BDP1: variants seen among roughly 807,000 people sequenced by gnomAD.
BDP1 encodes the protein BDP1 general transcription factor IIIB subunit, also known as transcription factor TFIIIB component B'' homolog.
In BDP1, 169 loss-of-function variants were observed where a neutral mutation model predicts 266.6. That is an observed-to-expected ratio of 0.63 (90% CI 0.56 to 0.72). The LOEUF (loss-of-function observed/expected upper bound fraction) is 0.72, where lower values mean the gene tolerates loss of function less well. Ranked by LOEUF, BDP1 falls within the 30% of genes least tolerant of loss-of-function variation. The pLI, the probability that BDP1 is intolerant of heterozygous loss-of-function variation, is 0.00. For synonymous variants in BDP1, 1,090 were observed against 1,022.4 expected, an observed-to-expected ratio of 1.07 and a Z score of -1.26; for missense variants, 3,015 against 3,053.8, an observed-to-expected ratio of 0.99 and a Z score of 0.30.
At chr5:71,548,644 G>A in intron 32 of BDP1, 38 bp from the exon 33 acceptor site, 3 of 1,344,750 alleles carry the variant, frequency 2.2e-6, no homozygotes, top group Non-Finnish European at 3.2e-6. Context: ...TGTAAGATTT[G>A]GCCAACCTGA....
In BDP1 at chr5:71,562,255, G is replaced by A. The variant is rs201847205; in HGVS notation, c.7497-19G>A. The stretch of plus-strand genomic sequence containing the variant: ...GTCTTCCTGGGTATTCTTGAATATC[G>A]TTACATTTGTATTTCTAGACCTGGC... On this transcript the variant is annotated intron_variant, in intron 37 of 38. Coordinates refer to ENST00000358731, the MANE Select transcript of BDP1 (RefSeq NM_018429.3). 3.6e-5 allele frequency: 47 copies of A among 1,303,286 alleles called. No individual in the cohort carries two copies. The highest frequency in any genetic ancestry group is 2.2e-4 in the South Asian group (17 of 75,614). The allele number at this position is 1,303,286 out of a possible 1,614,324, so 80.7% of individuals were successfully genotyped here.
At chr5:71,473,229 C>T (rs959623370) in intron 7 of BDP1, among the ~76,000 whole-genome samples, 27 of 143,086 alleles carry the variant, frequency 1.9e-4, no homozygotes, top group African/African-American at 6.7e-4. Context: ...TTAATCTAAA[C>T]ATCTTTTTAA....
chr5:71,532,064 G>A (rs1766280776), intron 25 of BDP1, among the ~76,000 whole-genome samples: 1 of 152,128 alleles, frequency 6.6e-6, no homozygotes. Context: ...AAGAAGATGA[G>A]TCTTAGAAAA....
chr5:71,553,958 T>G (rs1043090256), intron 35 of BDP1, among the ~76,000 whole-genome samples: 15 of 152,228 alleles, frequency 9.9e-5, no homozygotes, highest in African/African-American at 2.4e-5. Flanking sequence ...CTCAGGGAAG[T>G]CCGGCCAGAC....
At chr5:71,504,117 A>G (rs1764425915) in intron 15 of BDP1, among the ~76,000 whole-genome samples, 1 of 151,452 alleles carries the variant, frequency 6.6e-6, no homozygotes, top group East Asian at 1.9e-4. Flanking sequence ...CTAAAAATAC[A>G]AAAACGTTAG....
intron 1 of BDP1, 33 bp downstream of exon 1, chr5:71,456,122 G>A: frequency 6.3e-7 from 1 of 1,581,756 alleles, no homozygotes; most frequent in Non-Finnish European, 8.6e-7. Context: ...ATTTTCATTT[G>A]TCCCGCCTCT....
chr5:71,519,514 T>G (rs1300250011), intron 22 of BDP1, among the ~76,000 whole-genome samples: 5 of 152,112 alleles, frequency 3.3e-5, no homozygotes. Flanking sequence ...CCTACCTCCA[T>G]GAGATCCACT....
Position 71,501,667 on chromosome 5 carries a change from A to G in BDP1, c.2048+14A>G, listed in dbSNP as rs1303210853. 3 of 995,324 alleles carry G rather than the reference A, an allele frequency of 3.0e-6. No individual in the cohort carries two copies. The South Asian group carries it at 5.0e-5, about 17-fold the overall frequency. 61.7% of individuals were successfully genotyped at this position (995,324 alleles called of 1,614,324 possible). Reference sequence around the variant, plus strand: ...AACTGTATCTGTGTGAGTATTCAGGAAGTAGTAAAAAAAAAAAAAAAAAAA... The same window carrying G: ...AACTGTATCTGTGTGAGTATTCAGGGAGTAGTAAAAAAAAAAAAAAAAAAA... On this transcript the variant is annotated intron_variant, in intron 14 of 38. Coordinates refer to ENST00000358731, the MANE Select transcript of BDP1 (RefSeq NM_018429.3).
At chr5:71,551,316 T>C (rs1055239709) in intron 34 of BDP1, among the ~76,000 whole-genome samples, 3 of 152,086 alleles carry the variant, frequency 2.0e-5, no homozygotes, top group African/African-American at 4.8e-5. Flanking sequence ...TGATGACTCT[T>C]AACGAGCATA....
In BDP1 at chr5:71,504,812, C is replaced by T. The variant is rs1764486086; in HGVS notation, c.2372+61C>T. ...TTTGTAAAAAGTTTTAGAACTCAATCAGTTTTTTAAAGCAGAAGCAATTTA... is the reference window on the plus strand; with the variant it reads ...TTTGTAAAAAGTTTTAGAACTCAATTAGTTTTTTAAAGCAGAAGCAATTTA... On this transcript the variant is annotated intron_variant, in intron 16 of 38. Coordinates refer to ENST00000358731, the MANE Select transcript of BDP1 (RefSeq NM_018429.3). 3.2e-6 allele frequency: 5 copies of T among 1,549,826 alleles called. No homozygotes were observed. The South Asian group carries it at 3.5e-5, about 11-fold the overall frequency.
At chr5:71,479,106 G>T (rs1190141373) in intron 7 of BDP1, among the ~76,000 whole-genome samples, 2 of 151,326 alleles carry the variant, frequency 1.3e-5, no homozygotes, top group Non-Finnish European at 2.9e-5. Context: ...GCAGTGGTGC[G>T]ATCTCGGCTC....
intron 36 of BDP1, among the ~76,000 whole-genome samples, chr5:71,559,168 A>AGGCCGGGCGCGGTGGCTC (rs1743447743): frequency 6.6e-6 from 1 of 152,148 alleles, no homozygotes; most frequent in Non-Finnish European, 1.5e-5. Flanking sequence ...AAACAAAAAC[A>AGGCCGGGCGCGGTGGCTC]AAAAAACTCT....
At chr5:71,539,424 A>T (rs1766822052) in intron 27 of BDP1, 133 bp from the exon 28 acceptor site, 1 of 652,026 alleles carries the variant, frequency 1.5e-6, no homozygotes. Flanking sequence ...AGACTACCTT[A>T]GTAAGGGATT....
rs184451821 is a variant in BDP1, at chr5:71,485,247, C to T, written c.1070-1237C>T. Among the ~76,000 whole-genome samples the T allele has an allele frequency of 9.0e-4, 137 of 152,234 alleles. 3 individuals are homozygous for T. In the East Asian group the frequency reaches 0.023, roughly 26 times the overall value. Reference sequence around the variant, plus strand: ...GGAGGATCTTTTCAGCCGAAGAATTCGAGGCCAGCCTGGGCAACACAGCAA... The same window carrying T: ...GGAGGATCTTTTCAGCCGAAGAATTTGAGGCCAGCCTGGGCAACACAGCAA... On this transcript the variant is annotated intron_variant, in intron 8 of 38. Transcript: ENST00000358731.
intron 25 of BDP1, among the ~76,000 whole-genome samples, chr5:71,528,066 C>A (rs1766022041): frequency 6.6e-6 from 1 of 152,148 alleles, no homozygotes; most frequent in Non-Finnish European, 1.5e-5. Context: ...AATGATCCAT[C>A]TGCCTGGGCC....
chr5:71,482,555 G>A lies in BDP1; in HGVS notation c.1015-1287G>A, dbSNP rs1763026116. Reference sequence around the variant, plus strand: ...ATTTATTTTGTGATCATGGAATTTGGCCTGTTACTGGTTCTTACCTATGAA... The same window carrying A: ...ATTTATTTTGTGATCATGGAATTTGACCTGTTACTGGTTCTTACCTATGAA... On this transcript the variant is annotated intron_variant, in intron 7 of 38. Transcript: ENST00000358731. Among the ~76,000 whole-genome samples, 3 of 152,104 alleles carry A rather than the reference G, an allele frequency of 2.0e-5. No homozygotes were observed. The South Asian group carries it at 6.2e-4, about 32-fold the overall frequency.
intron 9 of BDP1, among the ~76,000 whole-genome samples, chr5:71,487,182 T>C (rs1763310185): frequency 6.6e-6 from 1 of 152,226 alleles, no homozygotes; most frequent in South Asian, 2.1e-4. Flanking sequence ...CGCTCGGAAC[T>C]ATAGGGAACC....
chr5:71,549,788 A>C (rs1442175307), intron 34 of BDP1, among the ~76,000 whole-genome samples, 182 bp downstream of exon 34: 1 of 152,236 alleles, frequency 6.6e-6, no homozygotes, highest in East Asian at 1.9e-4. Context: ...TAAAGATGCC[A>C]CTTAAATGTT....
intron 17 of BDP1, among the ~76,000 whole-genome samples, chr5:71,511,854 C>T (rs991125539): frequency 2.6e-5 from 4 of 152,148 alleles, no homozygotes; most frequent in African/African-American, 7.2e-5. Context: ...CTAACCCTAG[C>T]GTGAACACAC....
Sources: allele counts gnomAD v4.1 joint callset (sites outside exome capture counted in the v4.1 genomes callset), GRCh38; gene constraint gnomAD v4.1.1; transcripts MANE v1.5; gene names NCBI Gene and HGNC (gene_info 2026-07-23, HGNC 2026-07-21).